The following CCDC7 variants were observed in gnomAD, a reference collection of about 807,000 sequenced individuals.
CCDC7 encodes the protein coiled-coil domain containing 7.
In CCDC7, 183 loss-of-function variants were observed where a neutral mutation model predicts 196.9. The ratio of observed to expected loss-of-function variants is 0.93; its 90% confidence interval spans 0.82 to 1.05. The LOEUF (loss-of-function observed/expected upper bound fraction) is 1.05, where lower values mean the gene tolerates loss of function less well. Among genes scored for constraint, CCDC7 ranks in the 50% least tolerant of loss-of-function variants. The pLI is 0.00. For missense variants in CCDC7, 1,540 were observed against 1,482.2 expected, an observed-to-expected ratio of 1.04 and a Z score of -0.64; for synonymous variants, 525 against 484.6, an observed-to-expected ratio of 1.08 and a Z score of -1.10.
At chr10:32,816,410 G>T (rs2088562153) in intron 31 of CCDC7, among the ~76,000 whole-genome samples, 1 of 152,200 alleles carries the variant, frequency 6.6e-6, no homozygotes, top group South Asian at 2.1e-4. Context: ...ACCTCTGGGG[G>T]CAGGGCATTG....
chr10:32,724,010 G>C (rs1240813615), intron 25 of CCDC7, among the ~76,000 whole-genome samples: 1 of 151,892 alleles, frequency 6.6e-6, no homozygotes, highest in Non-Finnish European at 1.5e-5. Flanking sequence ...CTTTCCTAGA[G>C]TCTCTCTTTT....
chr10:32,668,795 G>T (rs1477216337), intron 21 of CCDC7, among the ~76,000 whole-genome samples: 1 of 152,054 alleles, frequency 6.6e-6, no homozygotes, highest in African/African-American at 2.4e-5. Flanking sequence ...GAGAATTTTT[G>T]CATCAATGTT....
intron 24 of CCDC7, among the ~76,000 whole-genome samples, chr10:32,710,935 A>G (rs972095896): frequency 6.6e-6 from 1 of 152,222 alleles, no homozygotes; most frequent in Non-Finnish European, 1.5e-5. Flanking sequence ...CACTGACTCC[A>G]TTAATGTTAC....
intron 24 of CCDC7, among the ~76,000 whole-genome samples, chr10:32,696,190 C>A (rs1322189360): frequency 6.6e-6 from 1 of 152,014 alleles, no homozygotes; most frequent in East Asian, 1.9e-4. Context: ...ATAACCCATT[C>A]AGTAATGGGT....
intron 18 of CCDC7, among the ~76,000 whole-genome samples, chr10:32,590,477 A>C (rs2059681245): frequency 6.6e-6 from 1 of 152,050 alleles, no homozygotes; most frequent in Non-Finnish European, 1.5e-5. Context: ...ATTTATTTTT[A>C]ATTGGTTCAT....
intron 21 of CCDC7, among the ~76,000 whole-genome samples, chr10:32,681,943 A>G (rs904500885): frequency 1.3e-5 from 2 of 152,110 alleles, no homozygotes; most frequent in Non-Finnish European, 2.9e-5. Flanking sequence ...TCATATATAT[A>G]TATATTCTTT....
At chr10:32,652,750 A>G (rs553346641) in intron 20 of CCDC7, among the ~76,000 whole-genome samples, 8 of 152,054 alleles carry the variant, frequency 5.3e-5, no homozygotes, top group Admixed American at 1.3e-4. Flanking sequence ...ATATTTTTGT[A>G]CTGCCTAATG....
chr10:32,454,293 C>T (rs2033806726), intron 2 of CCDC7, among the ~76,000 whole-genome samples: 1 of 152,072 alleles, frequency 6.6e-6, no homozygotes, highest in Non-Finnish European at 1.5e-5. Flanking sequence ...ATTAAAAGGA[C>T]TATGTAATCA....
At chr10:32,471,083 T>C in exon 6 of CCDC7, 1 of 1,605,098 alleles carries the variant, frequency 6.2e-7, no homozygotes. Flanking sequence ...GATCAAACTC[T>C]TTTACAAGCA....
chr10:32,537,188 G>A (rs1397227939), intron 11 of CCDC7, among the ~76,000 whole-genome samples: 1 of 151,990 alleles, frequency 6.6e-6, no homozygotes, highest in East Asian at 1.9e-4. Flanking sequence ...TTTAATAATT[G>A]GCATTCTGAC....
intron 21 of CCDC7, among the ~76,000 whole-genome samples, chr10:32,680,381 C>T (rs2075685387): frequency 6.6e-6 from 1 of 151,986 alleles, no homozygotes; most frequent in South Asian, 2.1e-4. Context: ...TGGGGCCATA[C>T]CAATGAGAGT....
At chr10:32,463,104 G>T (rs1035320997) in intron 5 of CCDC7, 55 bp downstream of exon 6, 54 of 1,597,482 alleles carry the variant, frequency 3.4e-5, no homozygotes, top group Non-Finnish European at 4.4e-5. Flanking sequence ...CATTTGAAAA[G>T]CAATTTGGAT....
intron 20 of CCDC7, among the ~76,000 whole-genome samples, chr10:32,648,002 A>T (rs558263295): frequency 6.6e-5 from 10 of 152,234 alleles, no homozygotes; most frequent in Admixed American, 2.0e-4. Context: ...GTTGATACTC[A>T]TATAAGGTGA....
At chr10:32,708,567 AC>A (rs1409692280) in intron 24 of CCDC7, among the ~76,000 whole-genome samples, 3 of 152,178 alleles carry the variant, frequency 2.0e-5, no homozygotes, top group Non-Finnish European at 4.4e-5. Context: ...TTTGCAATCT[AC>A]CCATGTGACA....
chr10:32,738,473 C>CTTTTTTTTTTT (rs33944221), intron 28 of CCDC7, among the ~76,000 whole-genome samples: 8 of 109,680 alleles, frequency 7.3e-5, no homozygotes, highest in Admixed American at 2.3e-4. Context: ...GTTTCTTTCA[C>CTTTTTTTTTTT]TTTTTTTTTT....
chr10:32,692,594 T>A (rs1215454249), intron 23 of CCDC7, among the ~76,000 whole-genome samples: 2 of 152,196 alleles, frequency 1.3e-5, no homozygotes, highest in African/African-American at 2.4e-5. Context: ...AAGTGTTCCT[T>A]CCAGAAAGGC....
intron 11 of CCDC7, among the ~76,000 whole-genome samples, chr10:32,526,299 C>T (rs2048667851): frequency 6.6e-6 from 1 of 152,126 alleles, no homozygotes; most frequent in African/African-American, 2.4e-5. Flanking sequence ...CTGGGACTCA[C>T]CCTTCAGGGC....
At chr10:32,553,297 A>G (rs1234389676) in intron 13 of CCDC7, among the ~76,000 whole-genome samples, 3 of 150,574 alleles carry the variant, frequency 2.0e-5, no homozygotes, top group South Asian at 2.1e-4. Context: ...TAAGCTTTCT[A>G]TTTTCTTGAG....
intron 15 of CCDC7, 37 bp downstream of exon 16, chr10:32,567,928 T>G (rs766500342): frequency 5.8e-6 from 9 of 1,542,896 alleles, no homozygotes; most frequent in Non-Finnish European, 7.0e-6. Flanking sequence ...GTAGTATATG[T>G]TGTGAGAAAT....
Sources: gnomAD v4.1 joint callset for allele counts (sites outside exome capture counted in the v4.1 genomes callset) on GRCh38, gnomAD v4.1.1 for gene constraint, MANE v1.5 for transcripts, NCBI Gene and HGNC (gene_info 2026-07-23, HGNC 2026-07-21) for gene names.